The following PPM1L variants were observed in gnomAD, a reference collection of about 807,000 sequenced individuals.
The protein encoded by PPM1L is protein phosphatase 1L.
A neutral mutation model predicts 31.4 loss-of-function variants in PPM1L; 13 were observed. That is an observed-to-expected ratio of 0.41 (90% CI 0.27 to 0.66). PPM1L has a LOEUF of 0.66. PPM1L is among the 30% of genes least tolerant of loss of function. PPM1L has a pLI of 0.29. For synonymous variants in PPM1L, 184 were observed against 175.4 expected, an observed-to-expected ratio of 1.05 and a Z score of -0.39; for missense variants, 326 against 453.7, an observed-to-expected ratio of 0.72 and a Z score of 2.56.
chr3:160,835,082 C>CTTCTTCTTCTTCTTCTTCTTCTTCT (rs1403731631), intron 1 of PPM1L, among the ~76,000 whole-genome samples: 5 of 141,666 alleles, frequency 3.5e-5, no homozygotes, highest in African/African-American at 1.4e-4. Context: ...TCTTCTTCTT[C>CTTCTTCTTCTTCTTCTTCTTCTTCT]TTCTTTCTTT....
chr3:160,837,954 C>T (rs1342704671), intron 1 of PPM1L, among the ~76,000 whole-genome samples: 1 of 152,090 alleles, frequency 6.6e-6, no homozygotes, highest in Non-Finnish European at 1.5e-5. Flanking sequence ...AATTATGTAG[C>T]CAGCCCTTGG....
chr3:160,846,131 C>T (rs547475875), intron 1 of PPM1L, among the ~76,000 whole-genome samples: 41 of 152,122 alleles, frequency 2.7e-4, no homozygotes, highest in African/African-American at 9.6e-4. Flanking sequence ...GGTGAAAACA[C>T]ATATATTATT....
At chr3:160,811,745 T>G (rs1712811640) in intron 1 of PPM1L, among the ~76,000 whole-genome samples, 1 of 152,184 alleles carries the variant, frequency 6.6e-6, no homozygotes, top group African/African-American at 2.4e-5. Context: ...GGAAAGTAAC[T>G]TAAGCTCTCT....
At chr3:161,032,698 T>C (rs1190984675) in intron 2 of PPM1L, among the ~76,000 whole-genome samples, 1 of 151,212 alleles carries the variant, frequency 6.6e-6, no homozygotes, top group Non-Finnish European at 1.5e-5. Flanking sequence ...AGTCCTTTTT[T>C]TTTTTTTTTG....
At chr3:160,845,367 A>G (rs1438591015) in intron 1 of PPM1L, among the ~76,000 whole-genome samples, 1 of 152,080 alleles carries the variant, frequency 6.6e-6, no homozygotes, top group African/African-American at 2.4e-5. Context: ...GAATTGTAAG[A>G]GTTTTAAAAG....
In PPM1L at chr3:160,818,216, A is replaced by C. The variant is rs192653083; in HGVS notation, c.399+61509A>C. 2.6e-5 allele frequency among the ~76,000 whole-genome samples: 4 copies of C among 152,134 alleles called. No individual in the cohort carries two copies. The East Asian group carries it at 7.7e-4, about 29-fold the overall frequency. ...GATCTTCAAGAGCAGTATCGAACAC[A>C]AAAGAAAGGTTATGAAGCACAGACC... is the stretch of plus-strand genomic sequence containing the variant. On this transcript the variant is annotated intron_variant, in intron 1 of 3. Transcript: ENST00000498165.
chr3:161,027,351 A>G (rs1310306121), intron 2 of PPM1L, among the ~76,000 whole-genome samples: 1 of 152,182 alleles, frequency 6.6e-6, no homozygotes, highest in Non-Finnish European at 1.5e-5. Flanking sequence ...CCATTTTCAC[A>G]CTGCTGATAA....
At chr3:161,030,653 G>A (rs777748783) in intron 2 of PPM1L, among the ~76,000 whole-genome samples, 2 of 152,132 alleles carry the variant, frequency 1.3e-5, no homozygotes, top group African/African-American at 2.4e-5. Context: ...ACCAATTAGA[G>A]TCAGACTTCT....
At chr3:160,772,552 T>A (rs1053911808) in intron 1 of PPM1L, among the ~76,000 whole-genome samples, 1 of 152,226 alleles carries the variant, frequency 6.6e-6, no homozygotes, top group African/African-American at 2.4e-5. Context: ...TAAAAATATC[T>A]TTACTGAAGT....
At chr3:160,963,221 A>C (rs1716022427) in intron 2 of PPM1L, among the ~76,000 whole-genome samples, 1 of 151,990 alleles carries the variant, frequency 6.6e-6, no homozygotes, top group African/African-American at 2.4e-5. Context: ...AAACTCATAG[A>C]CTTGCCTGAA....
At chr3:160,837,435 T>C (rs1275298895) in intron 1 of PPM1L, among the ~76,000 whole-genome samples, 1 of 152,246 alleles carries the variant, frequency 6.6e-6, no homozygotes, top group East Asian at 1.9e-4. Context: ...CAAGCCACTG[T>C]TATTGTCAAG....
chr3:160,863,720 C>T (rs773680259), intron 1 of PPM1L, among the ~76,000 whole-genome samples: 20 of 152,082 alleles, frequency 1.3e-4, no homozygotes, highest in African/African-American at 4.8e-4. Flanking sequence ...TATTGGGTTC[C>T]TTGGTCACAC....
At chr3:161,013,322 A>T in intron 2 of PPM1L, among the ~76,000 whole-genome samples, 1 of 152,186 alleles carries the variant, frequency 6.6e-6, no homozygotes, top group East Asian at 1.9e-4. Context: ...GTTCCCATGT[A>T]GTTGAATGGT....
In PPM1L at chr3:160,966,012, C is replaced by T. The variant is rs565909405; in HGVS notation, c.574+4102C>T. On this transcript the variant is annotated intron_variant, in intron 2 of 3. Transcript: ENST00000498165. ...TTTTTCTCTTTCTCTCTCTCTTCCCCTTTAATACATATATACCTTAATGCC... is the reference window on the plus strand; with the variant it reads ...TTTTTCTCTTTCTCTCTCTCTTCCCTTTTAATACATATATACCTTAATGCC... Among the ~76,000 whole-genome samples the T allele has an allele frequency of 2.6e-5, 4 of 152,068 alleles. No homozygotes were observed. The East Asian group carries it at 7.7e-4, about 29-fold the overall frequency.
At chr3:160,830,098 G>A (rs1560118975) in intron 1 of PPM1L, among the ~76,000 whole-genome samples, 2 of 152,158 alleles carry the variant, frequency 1.3e-5, no homozygotes, top group African/African-American at 4.8e-5. Context: ...AGCTGGCTTT[G>A]TTCTCTGCTT....
intron 1 of PPM1L, among the ~76,000 whole-genome samples, chr3:160,869,422 AGCTCCT>A (rs1712219139): frequency 6.6e-6 from 1 of 152,146 alleles, no homozygotes; most frequent in African/African-American, 2.4e-5. Flanking sequence ...GATTTGTAAA[AGCTCCT>A]GGTTATTAAG....
intron 1 of PPM1L, among the ~76,000 whole-genome samples, chr3:160,829,390 G>A (rs1434053182): frequency 6.6e-6 from 1 of 152,094 alleles, no homozygotes; most frequent in Non-Finnish European, 1.5e-5. Flanking sequence ...ACAAATAGCT[G>A]TCAGAAGTGA....
chr3:160,986,605 C>A (rs1716974664), intron 2 of PPM1L, among the ~76,000 whole-genome samples: 1 of 152,158 alleles, frequency 6.6e-6, no homozygotes, highest in Admixed American at 6.6e-5. Context: ...TACAGTTTTT[C>A]CCACATCTTT....
chr3:160,997,843 A>G (rs988754699), intron 2 of PPM1L, among the ~76,000 whole-genome samples: 5 of 152,176 alleles, frequency 3.3e-5, no homozygotes, highest in African/African-American at 4.8e-5. Context: ...AGATTAAATA[A>G]GGACAGCCTA....
Sources: gnomAD v4.1 joint callset for allele counts (sites outside exome capture counted in the v4.1 genomes callset) on GRCh38, gnomAD v4.1.1 for gene constraint, MANE v1.5 for transcripts, NCBI Gene and HGNC (gene_info 2026-07-23, HGNC 2026-07-21) for gene names.